Variants in COP1 observed in about 807,000 individuals in gnomAD.
COP1 encodes the protein COP1 E3 ubiquitin ligase, also known as E3 ubiquitin-protein ligase COP1.
In COP1, 24 loss-of-function variants were observed where a neutral mutation model predicts 101.3. That is an observed-to-expected ratio of 0.24 (90% confidence interval 0.17 to 0.33). The LOEUF (loss-of-function observed/expected upper bound fraction) is 0.33, where lower values mean the gene tolerates loss of function less well. Ranked by LOEUF, COP1 falls within the 10% of genes least tolerant of loss-of-function variation. The pLI, the probability that COP1 is intolerant of heterozygous loss-of-function variation, is 1.00. For missense variants in COP1, 663 were observed against 906.2 expected (o/e 0.73, Z 3.45); for synonymous variants, 347 against 341.9 (o/e 1.01, Z -0.17).
At chr1:176,108,322 A>G (rs1684686106) in intron 9 of COP1, among the ~76,000 whole-genome samples, 1 of 152,182 alleles carries the variant, frequency 6.6e-6, no homozygotes, top group African/African-American at 2.4e-5. Context: ...AATCCATCCT[A>G]TAGTTGTAGC....
chr1:175,954,587 G>T (rs963669586), intron 18 of COP1, among the ~76,000 whole-genome samples: 1 of 151,778 alleles, frequency 6.6e-6, no homozygotes, highest in Admixed American at 6.6e-5. Flanking sequence ...GATATTAAAA[G>T]AATAATTAGA....
At chr1:176,052,801 A>G (rs1421095488) in intron 11 of COP1, among the ~76,000 whole-genome samples, 1 of 152,188 alleles carries the variant, frequency 6.6e-6, no homozygotes, top group African/African-American at 2.4e-5. Flanking sequence ...TCAATTAAAC[A>G]TATGAGATGA....
At chr1:176,075,942 G>A (rs1677901558) in intron 11 of COP1, among the ~76,000 whole-genome samples, 2 of 144,450 alleles carry the variant, frequency 1.4e-5, no homozygotes, top group African/African-American at 5.2e-5. Flanking sequence ...GGTGGAGGTT[G>A]CAGTGAGCCA....
intron 15 of COP1, among the ~76,000 whole-genome samples, chr1:176,012,752 T>C (rs1394160067): frequency 6.6e-6 from 1 of 152,186 alleles, no homozygotes; most frequent in Admixed American, 6.5e-5. Context: ...GTGCTATAAT[T>C]GGCTACGGCT....
intron 9 of COP1, among the ~76,000 whole-genome samples, chr1:176,101,405 GA>G (rs544642891): frequency 8.7e-5 from 13 of 150,064 alleles, no homozygotes; most frequent in Admixed American, 6.6e-4. Context: ...GACTCCTTTG[GA>G]AAAAAAAAGG....
chr1:176,191,091 A>G (rs938760709), intron 1 of COP1, among the ~76,000 whole-genome samples: 3 of 152,046 alleles, frequency 2.0e-5, no homozygotes, highest in African/African-American at 7.2e-5. Flanking sequence ...TGATTTTATA[A>G]TTTATAATGC....
rs1685444389 is a variant in COP1, at chr1:176,112,343, A to G, written c.1026+4281T>C. 2.6e-5 allele frequency among the ~76,000 whole-genome samples: 4 copies of G among 151,326 alleles called. No homozygotes were observed. In the South Asian group the frequency reaches 8.3e-4, roughly 31 times the overall value. On this transcript the variant is annotated intron_variant, in intron 9 of 19. Coordinates refer to ENST00000367669, the MANE Select transcript of COP1 (RefSeq NM_022457.7). ...TTATTATTATTATACTTTAAGTTTT[A>G]GGGTACATGTGCACAACGTGCAGGT...
chr1:176,165,633 C>T (rs561771132), intron 3 of COP1, among the ~76,000 whole-genome samples: 3 of 152,030 alleles, frequency 2.0e-5, no homozygotes, highest in South Asian at 4.2e-4. Context: ...AGGTAGTGAG[C>T]CAAGATCGTG....
chr1:176,081,007 G>A (rs1679028086), intron 11 of COP1, 145 bp downstream of exon 11: 1 of 693,764 alleles, frequency 1.4e-6, no homozygotes, highest in African/African-American at 1.9e-5. Context: ...TAGAAGCTCA[G>A]GAACTTGCCT....
chr1:176,060,497 A>G (rs1383791189), intron 11 of COP1, among the ~76,000 whole-genome samples: 3 of 152,236 alleles, frequency 2.0e-5, no homozygotes, highest in African/African-American at 7.2e-5. Flanking sequence ...TGTGTTTAGT[A>G]AAAGTACAAC....
intron 9 of COP1, 28 bp downstream of exon 9, chr1:176,116,596 C>A: frequency 6.5e-7 from 1 of 1,527,182 alleles, no homozygotes; most frequent in Non-Finnish European, 9.1e-7. Context: ...CTCATGGTAT[C>A]ATTAAAGCAA....
chr1:176,203,978 G>A (rs995019669), intron 1 of COP1, among the ~76,000 whole-genome samples: 1 of 152,140 alleles, frequency 6.6e-6, no homozygotes, highest in African/African-American at 2.4e-5. Context: ...ATGTGGGCAG[G>A]TAAGAAAAGG....
chr1:176,206,415 A>ATGCC, intron 1 of COP1, 157 bp downstream of exon 1: 2 of 763,002 alleles, frequency 2.6e-6, no homozygotes. Flanking sequence ...AGGAGCTCGA[A>ATGCC]TGCCTGCAAA....
At chr1:175,968,191 A>G (rs1652459823) in intron 18 of COP1, among the ~76,000 whole-genome samples, 1 of 152,166 alleles carries the variant, frequency 6.6e-6, no homozygotes, top group Non-Finnish European at 1.5e-5. Flanking sequence ...ATATTTCCAC[A>G]TTCATTCTAC....
At chr1:176,162,410 G>A (rs768984862) in intron 5 of COP1, among the ~76,000 whole-genome samples, 2 of 152,118 alleles carry the variant, frequency 1.3e-5, no homozygotes, top group African/African-American at 4.8e-5. Flanking sequence ...GATATATTTA[G>A]TACAGATCTC....
At chr1:175,963,635 T>C (rs574825830) in intron 18 of COP1, among the ~76,000 whole-genome samples, 2 of 152,154 alleles carry the variant, frequency 1.3e-5, no homozygotes, top group African/African-American at 4.8e-5. Context: ...ACTTAATAGA[T>C]GTGTTTGTTT....
intron 18 of COP1, among the ~76,000 whole-genome samples, chr1:175,958,922 T>C (rs1242675967): frequency 6.6e-6 from 1 of 152,004 alleles, no homozygotes; most frequent in Non-Finnish European, 1.5e-5. Context: ...ACACAAATTT[T>C]TCCACATCAA....
chr1:176,180,631 GTA>G (rs1350855118), intron 2 of COP1, among the ~76,000 whole-genome samples: 1 of 152,104 alleles, frequency 6.6e-6, no homozygotes, highest in Non-Finnish European at 1.5e-5. Context: ...CTCTATAGAT[GTA>G]TATGGTTGTT....
At chr1:176,165,094 G>A (rs1215099132) in intron 3 of COP1, among the ~76,000 whole-genome samples, 2 of 152,102 alleles carry the variant, frequency 1.3e-5, no homozygotes, top group Admixed American at 1.3e-4. Context: ...AAGGATCCAA[G>A]CTTCAAAGAC....
Sources: gnomAD v4.1 joint callset for allele counts (sites outside exome capture counted in the v4.1 genomes callset) on GRCh38, gnomAD v4.1.1 for gene constraint, MANE v1.5 for transcripts, NCBI Gene and HGNC (gene_info 2026-07-23, HGNC 2026-07-21) for gene names.